PTPRE: variants seen among roughly 807,000 people sequenced by gnomAD.
PTPRE encodes protein tyrosine phosphatase receptor type E, also known as receptor-type tyrosine-protein phosphatase epsilon.
PTPRE carries 51 observed loss-of-function variants against 102.0 expected under a neutral mutation model. The ratio of observed to expected loss-of-function variants is 0.50; its 90% CI spans 0.40 to 0.63. The LOEUF (loss-of-function observed/expected upper bound fraction) is 0.63. PTPRE is among the 30% of genes least tolerant of loss of function. The pLI is 0.00. For synonymous variants in PTPRE, 345 were observed against 348.2 expected (o/e 0.99, Z 0.10); for missense variants, 752 against 915.1 (o/e 0.82, Z 2.30).
At chr10:127,979,097 G>A (rs1251844592) in intron 1 of PTPRE, among the ~76,000 whole-genome samples, 1 of 152,216 alleles carries the variant, frequency 6.6e-6, no homozygotes, top group African/African-American at 2.4e-5. Context: ...GTTGTTAGAT[G>A]TGGGAGAGAT....
At chr10:127,913,822 T>G (rs1236843245) in intron 1 of PTPRE, among the ~76,000 whole-genome samples, 1 of 152,214 alleles carries the variant, frequency 6.6e-6, no homozygotes, top group Non-Finnish European at 1.5e-5. Flanking sequence ...CTTCCACAAT[T>G]TGATGTCCGA....
intron 16 of PTPRE, chr10:128,072,416 G>T: frequency 2.1e-6 from 1 of 487,492 alleles, no homozygotes; most frequent in Admixed American, 3.9e-5. Context: ...ACTTTGGGAA[G>T]CTAAGGCGGG....
rs1313213862 is a variant in PTPRE at position 128,069,654 on chromosome 10, T to A, written c.1008-38T>A. ...GGCCTTTCATTTACTTCGGGAGGAG[T>A]GTGACTCACGACGCAGCATCTTTCT... On this transcript the variant is annotated intron_variant, in intron 12 of 20. Transcript: ENST00000254667. 8 of 1,610,706 alleles carry A rather than the reference T, an allele frequency of 5.0e-6. No individual in the cohort carries two copies. In the African/African-American group the frequency reaches 1.1e-4, roughly 22 times the overall value.
chr10:128,078,076 T>A (rs1207672618), intron 19 of PTPRE, among the ~76,000 whole-genome samples: 1 of 152,200 alleles, frequency 6.6e-6, no homozygotes. Flanking sequence ...TTTGAAGTCA[T>A]CAAAAAATTG....
intron 1 of PTPRE, among the ~76,000 whole-genome samples, chr10:127,924,326 A>G (rs1846849801): frequency 6.6e-6 from 1 of 152,156 alleles, no homozygotes; most frequent in Admixed American, 6.5e-5. Context: ...CCCGGATTCA[A>G]GTGATTCTTG....
intron 2 of PTPRE, among the ~76,000 whole-genome samples, chr10:128,019,985 C>G (rs927719206): frequency 6.6e-6 from 1 of 151,492 alleles, no homozygotes; most frequent in African/African-American, 2.4e-5. Flanking sequence ...GACATGTGTT[C>G]CTTGGACTCC....
chr10:127,988,409 G>A (rs918464060), intron 2 of PTPRE, among the ~76,000 whole-genome samples: 2 of 149,738 alleles, frequency 1.3e-5, no homozygotes, highest in East Asian at 2.0e-4. Flanking sequence ...GGGTTCAAGC[G>A]ATTCTCCTGC....
chr10:127,996,309 G>C (rs79504774), intron 2 of PTPRE, among the ~76,000 whole-genome samples: 2,347 of 152,340 alleles, frequency 0.015, 83 homozygotes, highest in Admixed American at 0.071. Context: ...GATCTCGAAA[G>C]CTGGCCCGTC....
intron 2 of PTPRE, among the ~76,000 whole-genome samples, chr10:128,029,203 C>T (rs1345091954): frequency 6.6e-6 from 1 of 152,154 alleles, no homozygotes; most frequent in Non-Finnish European, 1.5e-5. Flanking sequence ...CAGCTGGGGG[C>T]AGAGCACCTC....
Position 127,907,217 on chromosome 10 carries a change from A to G in PTPRE, c.-123A>G, listed in dbSNP as rs1764356828. The G allele has an allele frequency of 4.1e-6, 4 of 977,028 alleles. No homozygotes were observed. The highest frequency in any genetic ancestry group is 2.4e-6 in the Non-Finnish European group (2 of 822,960). The allele number at this position is 977,028 out of a possible 1,614,324, so 60.5% of individuals were successfully genotyped here. On this transcript the variant is annotated 5_prime_UTR_variant, in exon 1 of 21. Coordinates refer to ENST00000254667, the MANE Select transcript of PTPRE (RefSeq NM_006504.6). This position sits in a 1 kb window ranked among gnomAD's most constrained non-coding sequence, Gnocchi z 4.8. Reference sequence around the variant, plus strand: ...ACCCTTCTTCGCGCCCGGCGAAGACAGCCGGGCGCCCCGGAGGGCGGCGGG... The same window carrying G: ...ACCCTTCTTCGCGCCCGGCGAAGACGGCCGGGCGCCCCGGAGGGCGGCGGG...
intron 1 of PTPRE, among the ~76,000 whole-genome samples, chr10:127,943,532 G>C (rs73376126): frequency 1.3e-5 from 2 of 152,128 alleles, no homozygotes; most frequent in Non-Finnish European, 2.9e-5. Flanking sequence ...AAGGAAGGTC[G>C]GTGAAGACCC....
chr10:127,980,711 T>A (rs1405005890), intron 1 of PTPRE, among the ~76,000 whole-genome samples: 1 of 152,162 alleles, frequency 6.6e-6, no homozygotes, highest in Non-Finnish European at 1.5e-5. Context: ...ACACACCTCA[T>A]GGGTCAGCTT....
rs1363576946 is a variant in PTPRE at position 128,073,339 on chromosome 10, C to T, written c.1467C>T (p.Gly489=). ...TDYINASFID[G]YRQKDYFIAT... ...AACCTCTGCGCCTCCATTTGAAGGG[C>T]TACCGACAGAAGGACTATTTCATCG... Residue 489 remains glycine (G), a splice_region_variant and synonymous_variant, in exon 17 of 21, where the codon GGC becomes GGT. Coordinates refer to ENST00000254667, the MANE Select transcript of PTPRE (RefSeq NM_006504.6). The T allele has an allele frequency of 2.5e-6, 4 of 1,613,950 alleles. No homozygotes were observed. In the African/African-American group the frequency reaches 5.3e-5, roughly 22 times the overall value.
At chr10:128,074,770 C>T (rs77833927) in intron 17 of PTPRE, among the ~76,000 whole-genome samples, 9,645 of 152,096 alleles carry the variant, frequency 0.063, 409 homozygotes, top group Middle Eastern at 0.095. Flanking sequence ...ATACTAGGAG[C>T]GGAATTGCTA....
Position 127,944,968 on chromosome 10 carries a change from G to C in PTPRE, c.-30-37306G>C, listed in dbSNP as rs1475213273. On this transcript the variant is annotated intron_variant, in intron 1 of 20. Coordinates refer to ENST00000254667, the MANE Select transcript of PTPRE (RefSeq NM_006504.6). This position sits in a 1 kb window ranked among gnomAD's most constrained non-coding sequence, Gnocchi z 4.2. ...AGTGGGCTGGACAGCTGGGGGGATG[G>C]TGGCACCTTCTATCAAAATAATGGG... Among the ~76,000 whole-genome samples the C allele has an allele frequency of 6.6e-6, 1 of 152,184 alleles. No homozygotes were observed. Among genetic ancestry groups the C allele is most frequent in the Non-Finnish European group, 1.5e-5 (1 of 68,030 alleles).
intron 2 of PTPRE, among the ~76,000 whole-genome samples, chr10:128,007,637 G>A (rs2135588110): frequency 6.6e-6 from 1 of 152,320 alleles, no homozygotes; most frequent in East Asian, 1.9e-4. Flanking sequence ...CTGAAGTCTG[G>A]TTGCTTTCAC....
At position 127,944,193 on chromosome 10, in the gene PTPRE, A is replaced by G. The variant is rs1334488375; in HGVS notation, c.-31+36884A>G. ...TTACTGCTCAGAGGGCCTGATAAGAATCCAGGGACCAGAACTGGGGTATAA... is the reference window on the plus strand; with the variant it reads ...TTACTGCTCAGAGGGCCTGATAAGAGTCCAGGGACCAGAACTGGGGTATAA... On this transcript the variant is annotated intron_variant, in intron 1 of 20. Transcript: ENST00000254667. The surrounding 1 kb of genome is among the most constrained non-coding windows in gnomAD (Gnocchi z 4.2). 1.3e-5 allele frequency among the ~76,000 whole-genome samples: 2 copies of G among 152,200 alleles called. No individual in the cohort carries two copies. The highest frequency in any genetic ancestry group is 1.9e-4 in the East Asian group (1 of 5,202).
chr10:127,927,858 C>A (rs913353243), intron 1 of PTPRE, among the ~76,000 whole-genome samples: 1 of 152,106 alleles, frequency 6.6e-6, no homozygotes, highest in Non-Finnish European at 1.5e-5. Flanking sequence ...TTACCTGGTG[C>A]GTTTTAATGA....
intron 3 of PTPRE, among the ~76,000 whole-genome samples, chr10:128,044,612 TACAC>T (rs1249609699): frequency 1.3e-5 from 2 of 152,210 alleles, no homozygotes; most frequent in African/African-American, 2.4e-5. Context: ...GGTGTGAACA[TACAC>T]ACACTTCACT....
Sources: gnomAD v4.1 joint callset for allele counts (sites outside exome capture counted in the v4.1 genomes callset) on GRCh38, gnomAD v4.1.1 for gene constraint, Gnocchi (gnomAD v3.1) non-coding constraint, MANE v1.5 for transcripts, NCBI Gene and HGNC (gene_info 2026-07-23, HGNC 2026-07-21) for gene names.